The following TENM2 variants were observed in gnomAD, a reference collection of about 807,000 sequenced individuals.
The protein encoded by TENM2 is teneurin transmembrane protein 2, also known as teneurin-2.
Under a neutral mutation model 245.2 loss-of-function variants are expected in TENM2, and 52 were observed. That is an observed-to-expected ratio of 0.21 (90% CI 0.17 to 0.27). The LOEUF (loss-of-function observed/expected upper bound fraction) is 0.27. Ranked by LOEUF, TENM2 falls within the 10% of genes least tolerant of loss-of-function variation. TENM2 has a pLI of 1.00. For synonymous variants in TENM2, 1,363 were observed against 1,438.9 expected (o/e 0.95, Z 1.19); for missense variants, 3,046 against 3,666.8 (o/e 0.83, Z 4.37).
At chr5:167,467,202 G>A (rs761573165) in intron 2 of TENM2, among the ~76,000 whole-genome samples, 33 of 152,062 alleles carry the variant, frequency 2.2e-4, no homozygotes, top group Admixed American at 5.2e-4. Flanking sequence ...CTGTTCTCGC[G>A]ATAGTGAGTG....
intron 5 of TENM2, among the ~76,000 whole-genome samples, chr5:168,007,403 C>G (rs1037159411): frequency 2.6e-5 from 4 of 152,064 alleles, no homozygotes. Flanking sequence ...TGCTGGGATT[C>G]CAGGTGTGAG....
At position 168,039,233 on chromosome 5, in the gene TENM2, G is replaced by T. The variant is rs184322181; in HGVS notation, c.1187-8194G>T. ...TAGGATTCTGGTGGCCGCGTGCCAC[G>T]TGCAGCCTGCGTCTTCTTTCCTTTG... On this transcript the variant is annotated intron_variant, in intron 5 of 28. Coordinates refer to ENST00000518659, the Ensembl canonical transcript of TENM2. Among the ~76,000 whole-genome samples, 4 of 152,250 alleles carry T rather than the reference G, an allele frequency of 2.6e-5. No individual in the cohort carries two copies. In the East Asian group the frequency reaches 7.7e-4, roughly 29 times the overall value.
intron 7 of TENM2, among the ~76,000 whole-genome samples, chr5:168,090,098 A>C (rs1214491563): frequency 6.6e-6 from 1 of 152,106 alleles, no homozygotes; most frequent in Non-Finnish European, 1.5e-5. Context: ...AACTCTCAGG[A>C]AACCAATTAC....
chr5:167,879,638 A>G (rs565992721), intron 3 of TENM2, among the ~76,000 whole-genome samples: 2 of 152,336 alleles, frequency 1.3e-5, no homozygotes, highest in East Asian at 3.9e-4. Context: ...ATCTTCTAAA[A>G]GCACTGGCTT....
chr5:167,656,807 TG>T (rs1191313944), intron 2 of TENM2, among the ~76,000 whole-genome samples: 1 of 152,120 alleles, frequency 6.6e-6, no homozygotes, highest in East Asian at 1.9e-4. Context: ...AGGCTTTTCT[TG>T]CCTTTTAAAA....
At chr5:167,856,498 G>A (rs1190807976) in intron 2 of TENM2, among the ~76,000 whole-genome samples, 1 of 152,132 alleles carries the variant, frequency 6.6e-6, no homozygotes, top group African/African-American at 2.4e-5. Context: ...ACAGTGACAT[G>A]TTTCCTTTAA....
intron 3 of TENM2, among the ~76,000 whole-genome samples, chr5:167,923,300 G>A (rs1777510558): frequency 6.7e-6 from 1 of 150,162 alleles, no homozygotes; most frequent in Non-Finnish European, 1.5e-5. Flanking sequence ...GCCTGGGCAA[G>A]AGTAAGACTC....
intron 2 of TENM2, among the ~76,000 whole-genome samples, chr5:167,565,706 C>T (rs1009489860): frequency 2.4e-4 from 37 of 152,156 alleles, no homozygotes; most frequent in Admixed American, 1.2e-3. Context: ...AGGTAGACAG[C>T]GGTGAAGTAA....
chr5:167,904,674 CTG>C (rs1354458612), intron 3 of TENM2, among the ~76,000 whole-genome samples: 15 of 152,120 alleles, frequency 9.9e-5, no homozygotes, highest in African/African-American at 3.6e-4. Context: ...TCATTTCCCC[CTG>C]TGTCTGTCTT....
At chr5:167,584,705 T>G (rs1203382885) in intron 2 of TENM2, among the ~76,000 whole-genome samples, 1 of 151,830 alleles carries the variant, frequency 6.6e-6, no homozygotes, top group Non-Finnish European at 1.5e-5. Context: ...TTTCTTTTTT[T>G]TTTTTTTCAG....
intron 6 of TENM2, among the ~76,000 whole-genome samples, chr5:168,060,929 C>G (rs1017752379): frequency 6.6e-6 from 1 of 152,078 alleles, no homozygotes; most frequent in African/African-American, 2.4e-5. Context: ...ATCTGGTGGC[C>G]AAATGATAGA....
At chr5:167,192,495 G>A in the TENM2 span, among the ~76,000 whole-genome samples, 1 of 151,984 alleles carries the variant, frequency 6.6e-6, no homozygotes, top group East Asian at 1.9e-4. Context: ...TGTAGGTAAG[G>A]TCTATACAGA....
At chr5:167,456,074 G>A (rs1038893218) in intron 2 of TENM2, among the ~76,000 whole-genome samples, 3 of 152,054 alleles carry the variant, frequency 2.0e-5, no homozygotes, top group African/African-American at 4.8e-5. Flanking sequence ...TAGAGACAAC[G>A]TCTCTAATAG....
the TENM2 span, among the ~76,000 whole-genome samples, chr5:167,214,055 A>G: frequency 5.3e-5 from 8 of 152,210 alleles, no homozygotes; most frequent in Non-Finnish European, 1.0e-4. Flanking sequence ...GTCGATCAAC[A>G]TGGGAAGAAA....
At chr5:166,981,262 C>T in the TENM2 span, among the ~76,000 whole-genome samples, 1 of 151,766 alleles carries the variant, frequency 6.6e-6, no homozygotes, top group African/African-American at 2.4e-5. Context: ...GAAAGCTCAG[C>T]TTATTCATGG....
chr5:167,129,681 C>T, the TENM2 span, among the ~76,000 whole-genome samples: 1 of 152,128 alleles, frequency 6.6e-6, no homozygotes, highest in Non-Finnish European at 1.5e-5. Context: ...AAATACTTAG[C>T]ACAGTGCTTG....
intron 2 of TENM2, among the ~76,000 whole-genome samples, chr5:167,443,363 C>T (rs1044610597): frequency 4.6e-5 from 7 of 152,134 alleles, no homozygotes; most frequent in African/African-American, 1.7e-4. Flanking sequence ...TAAGAAAATC[C>T]CATTCGTTTA....
At chr5:167,758,946 T>C (rs558018739) in intron 2 of TENM2, among the ~76,000 whole-genome samples, 1 of 152,108 alleles carries the variant, frequency 6.6e-6, no homozygotes, top group Admixed American at 6.6e-5. Flanking sequence ...TATTTGCTTT[T>C]CCACCATACT....
chr5:167,784,959 C>A (rs907258798), intron 2 of TENM2, among the ~76,000 whole-genome samples: 2 of 128,746 alleles, frequency 1.6e-5, no homozygotes, highest in Admixed American at 7.8e-5. Flanking sequence ...TCATCTATAT[C>A]CTGTTGAATT....
Sources: allele counts gnomAD v4.1 joint callset (sites outside exome capture counted in the v4.1 genomes callset), GRCh38; gene constraint gnomAD v4.1.1; transcripts MANE v1.5; gene names NCBI Gene and HGNC (gene_info 2026-07-23, HGNC 2026-07-21).